The following NUP98 variants were observed in gnomAD, a reference collection of about 807,000 sequenced individuals.
NUP98 encodes nuclear pore complex protein Nup98-Nup96.
NUP98 carries 26 observed loss-of-function variants against 191.9 expected under a neutral mutation model. The observed-to-expected ratio is 0.14, with a 90% CI of 0.10 to 0.19. NUP98 has a LOEUF of 0.19. Ranked by LOEUF, NUP98 falls within the 10% of genes least tolerant of loss-of-function variation. The probability of loss-of-function intolerance (pLI) is 1.00; values close to 1 mark genes in which losing one functional copy is unlikely to be tolerated. For synonymous variants in NUP98, 808 were observed against 778.4 expected (o/e 1.04, Z -0.63); for missense variants, 1,941 against 2,178.8 (o/e 0.89, Z 2.17).
At chr11:3,791,533 CAAAA>C (rs71041395) in intron 1 of NUP98, among the ~76,000 whole-genome samples, 18,325 of 66,778 alleles carry the variant, frequency 0.27, 932 homozygotes, top group African/African-American at 0.38. Flanking sequence ...GACCTCGTCT[CAAAA>C]AAAAAAAAAA....
chr11:3,686,235 G>T, intron 28 of NUP98, 41 bp from the exon 29 acceptor site: 1 of 1,554,294 alleles, frequency 6.4e-7, no homozygotes, highest in Non-Finnish European at 8.9e-7. Context: ...ACAGCCAGGA[G>T]ACGGCCTGGA....
At chr11:3,703,224 T>TA (rs2078763654) in intron 22 of NUP98, among the ~76,000 whole-genome samples, 1 of 151,682 alleles carries the variant, frequency 6.6e-6, no homozygotes. Flanking sequence ...AACTTTTTTT[T>TA]TTTTTTTTTG....
At chr11:3,762,778 A>G in intron 9 of NUP98, 124 bp downstream of exon 9, 2 of 968,296 alleles carry the variant, frequency 2.1e-6, no homozygotes, top group South Asian at 1.9e-5. Context: ...GAATCAAATC[A>G]TATTAGGCTG....
chr11:3,779,111 T>C (rs1368256068), intron 3 of NUP98, 45 bp downstream of exon 3: 42 of 1,612,954 alleles, frequency 2.6e-5, no homozygotes, highest in Non-Finnish European at 3.1e-5. Flanking sequence ...TCAATTCCTA[T>C]ACTAGCTACA....
At chr11:3,759,881 T>C (rs1476303135) in intron 10 of NUP98, among the ~76,000 whole-genome samples, 3 of 151,988 alleles carry the variant, frequency 2.0e-5, no homozygotes, top group Non-Finnish European at 2.9e-5. Flanking sequence ...CTATGTTGCC[T>C]AGGCTGGAAT....
chr11:3,758,791 G>GAGAGAC (rs368477387), intron 10 of NUP98, among the ~76,000 whole-genome samples: 2 of 151,002 alleles, frequency 1.3e-5, no homozygotes, highest in East Asian at 1.9e-4. Context: ...GAGAGAGACA[G>GAGAGAC]AGAGACAGAG....
chr11:3,695,437 A>C lies in NUP98; in HGVS notation c.4167+12T>G. 6.5e-7 allele frequency: 1 copy of C among 1,529,488 alleles called. No homozygotes were observed. Among genetic ancestry groups the C allele is most frequent in the Non-Finnish European group, 8.8e-7 (1 of 1,134,600 alleles). The allele number at this position is 1,529,488 out of a possible 1,614,324, so 94.7% of individuals were successfully genotyped here. On this transcript the variant is annotated intron_variant, in intron 26 of 32. Coordinates refer to ENST00000324932, the MANE Select transcript of NUP98 (RefSeq NM_016320.5). ...AACCAATGTGAGATATTATGGTAAA[A>C]GTAGAAGATACCGGTTTTCCAGCCA...
At chr11:3,740,877 G>A (rs1362919478) in intron 12 of NUP98, among the ~76,000 whole-genome samples, 3 of 151,060 alleles carry the variant, frequency 2.0e-5, no homozygotes, top group Admixed American at 6.6e-5. Flanking sequence ...GGAGTGTAGC[G>A]GCGTGACGTC....
intron 11 of NUP98, among the ~76,000 whole-genome samples, chr11:3,750,133 CTAAA>C (rs2080688334): frequency 6.6e-6 from 1 of 152,222 alleles, no homozygotes; most frequent in Admixed American, 6.5e-5. Context: ...TAATGGAATA[CTAAA>C]TAATTTTTTT....
At chr11:3,715,504 T>C (rs1458718636) in intron 18 of NUP98, among the ~76,000 whole-genome samples, 1 of 152,176 alleles carries the variant, frequency 6.6e-6, no homozygotes, top group Non-Finnish European at 1.5e-5. Flanking sequence ...ATTTCTCTAA[T>C]GATTAGTGAT....
intron 8 of NUP98, among the ~76,000 whole-genome samples, chr11:3,766,038 G>C (rs1363322748): frequency 1.3e-5 from 2 of 152,002 alleles, no homozygotes; most frequent in African/African-American, 2.4e-5. Flanking sequence ...GTCTCTCCTT[G>C]TGCCAGTAAC....
intron 22 of NUP98, among the ~76,000 whole-genome samples, chr11:3,703,561 A>G (rs573929333): frequency 2.6e-5 from 4 of 152,248 alleles, no homozygotes; most frequent in African/African-American, 4.8e-5. Flanking sequence ...CCTATTGTAT[A>G]TATGAGAAAA....
In NUP98 at chr11:3,708,275, A is replaced by T. The variant is rs1012412097; in HGVS notation, c.2743-1648T>A. Among the ~76,000 whole-genome samples, 4 of 152,228 alleles carry T rather than the reference A, an allele frequency of 2.6e-5. No individual in the cohort carries two copies. In the South Asian group the frequency reaches 6.2e-4, roughly 24 times the overall value. On this transcript the variant is annotated intron_variant, in intron 20 of 32. Transcript: ENST00000324932. ...AGCAGTAAACTATAAAAAGATAAGG[A>T]GAGTGAGTGGGAGGAAAGAAAAAAT...
chr11:3,790,742 A>AT (rs1480237521), intron 1 of NUP98, among the ~76,000 whole-genome samples: 1 of 152,206 alleles, frequency 6.6e-6, no homozygotes, highest in African/African-American at 2.4e-5. Context: ...TAGTTGTATT[A>AT]TTTCTCAACA....
In NUP98 at chr11:3,797,196, T is replaced by G. The variant is rs1460326857; in HGVS notation, c.-29+204A>C. On this transcript the variant is annotated intron_variant, in intron 1 of 32. Coordinates refer to ENST00000324932, the MANE Select transcript of NUP98 (RefSeq NM_016320.5). ...AGGCCTAGACCCCACTGATGTCCAT[T>G]CTCTCCCAGGGCCTCCAAAGCCGGG... Among the ~76,000 whole-genome samples the G allele has an allele frequency of 2.0e-5, 3 of 152,160 alleles. No individual in the cohort carries two copies. The East Asian group carries it at 5.8e-4, about 29-fold the overall frequency.
At chr11:3,740,459 C>G (rs1379908028) in intron 12 of NUP98, among the ~76,000 whole-genome samples, 1 of 149,508 alleles carries the variant, frequency 6.7e-6, no homozygotes, top group Non-Finnish European at 1.5e-5. Context: ...TGCAGTGAGC[C>G]AAGATCAAGA....
At chr11:3,708,115 T>A (rs1307176977) in intron 20 of NUP98, among the ~76,000 whole-genome samples, 1 of 151,966 alleles carries the variant, frequency 6.6e-6, no homozygotes, top group Non-Finnish European at 1.5e-5. Flanking sequence ...GAAAAATAAA[T>A]AAAATAGGCC....
chr11:3,745,066 T>C (rs1239682371), intron 11 of NUP98, among the ~76,000 whole-genome samples: 1 of 152,218 alleles, frequency 6.6e-6, no homozygotes, highest in Non-Finnish European at 1.5e-5. Context: ...CACAATGTTA[T>C]AAATGATAGA....
At chr11:3,695,343 G>T (rs1026856539) in intron 26 of NUP98, 106 bp downstream of exon 26, 1 of 1,027,180 alleles carries the variant, frequency 9.7e-7, no homozygotes, top group East Asian at 2.8e-5. Flanking sequence ...AAAACATTTT[G>T]TGTAACTGTG....
Sources: allele counts gnomAD v4.1 joint callset (sites outside exome capture counted in the v4.1 genomes callset), GRCh38; gene constraint gnomAD v4.1.1; transcripts MANE v1.5; gene names NCBI Gene and HGNC (gene_info 2026-07-23, HGNC 2026-07-21).